Variants in LAMB4 observed in about 807,000 individuals in gnomAD.
LAMB4 encodes laminin subunit beta-4.
A neutral mutation model predicts 199.2 loss-of-function variants in LAMB4; 196 were observed. The ratio of observed to expected loss-of-function variants is 0.98; its 90% CI spans 0.88 to 1.11. The LOEUF (loss-of-function observed/expected upper bound fraction) is 1.11. LAMB4 is among the 50% of genes least tolerant of loss of function. The probability of loss-of-function intolerance (pLI) is 0.00; values close to 1 mark genes in which losing one functional copy is unlikely to be tolerated. For synonymous variants in LAMB4, 744 were observed against 770.6 expected (o/e 0.97, Z 0.57); for missense variants, 2,080 against 2,171.2 (o/e 0.96, Z 0.83).
intron 14 of LAMB4, among the ~76,000 whole-genome samples, chr7:108,085,838 C>T (rs756992633): frequency 1.7e-4 from 26 of 152,204 alleles, no homozygotes; most frequent in Non-Finnish European, 3.2e-4. Flanking sequence ...TGGTCTCGAT[C>T]TCCTGACCTC....
chr7:108,015,425 G>T, the LAMB4 span, among the ~76,000 whole-genome samples: 1 of 152,150 alleles, frequency 6.6e-6, no homozygotes, highest in Non-Finnish European at 1.5e-5. Context: ...TCGCAGTGAG[G>T]TGCTACCTTT....
rs186613515 is a variant in LAMB4 at position 108,066,178 on chromosome 7, A to G, written c.2678+191T>C. Among the ~76,000 whole-genome samples, 6 of 152,306 alleles carry G rather than the reference A, an allele frequency of 3.9e-5. No individual in the cohort carries two copies. The East Asian group carries it at 7.7e-4, about 20-fold the overall frequency. ...GTAACATGCCAGGCAAATGTGTGTTATTGATTTAATCCTGCATTTTCTGGC... is the reference window on the plus strand; with the variant it reads ...GTAACATGCCAGGCAAATGTGTGTTGTTGATTTAATCCTGCATTTTCTGGC... On this transcript the variant is annotated intron_variant, in intron 20 of 33. Transcript: ENST00000388781.
At chr7:108,078,595 T>C (rs775562472) in intron 15 of LAMB4, among the ~76,000 whole-genome samples, 1 of 152,098 alleles carries the variant, frequency 6.6e-6, no homozygotes, top group Non-Finnish European at 1.5e-5. Context: ...TCAACCCCCA[T>C]TTCCCAGGGA....
chr7:108,071,268 T>C (rs2036525622), intron 17 of LAMB4, among the ~76,000 whole-genome samples: 1 of 152,076 alleles, frequency 6.6e-6, no homozygotes, highest in Non-Finnish European at 1.5e-5. Context: ...TCATCTGCCA[T>C]TCACCCTTCA....
rs1362273875 is a variant in LAMB4, at chr7:108,107,661, G to C, written c.561C>G (p.Tyr187Ter). Residue 187 changes from tyrosine (Y) to a stop codon, truncating the protein, a stop_gained, in exon 6 of 34, where the codon TAC becomes TAG. Transcript: ENST00000388781. LOFTEE classifies it high-confidence loss of function. Reference protein sequence around the residue: ...GVGDIVCDSKYSDIEPSTGGE... With the variant: ...GVGDIVCDSK Reference sequence around the variant, plus strand: ...CACCTGTTGAGGGTTCAATATCCGAGTATTTGGAGTCACAAACAATGTCTC... The same window carrying C: ...CACCTGTTGAGGGTTCAATATCCGACTATTTGGAGTCACAAACAATGTCTC... 2 of 1,611,380 alleles carry C rather than the reference G, an allele frequency of 1.2e-6. No homozygotes were observed. The highest frequency in any genetic ancestry group is 2.2e-5 in the South Asian group (2 of 90,150).
chr7:108,038,773 A>C (rs1358492107), intron 29 of LAMB4, among the ~76,000 whole-genome samples: 1 of 151,968 alleles, frequency 6.6e-6, no homozygotes, highest in East Asian at 1.9e-4. Context: ...AAGATTGGAT[A>C]CTCCTGTGTT....
At chr7:108,065,992 T>C in intron 20 of LAMB4, 73 bp from the exon 21 acceptor site, 1 of 1,447,224 alleles carries the variant, frequency 6.9e-7, no homozygotes, top group Non-Finnish European at 9.6e-7. Context: ...CGGTTTGCTA[T>C]GCTTTAAAAC....
At chr7:108,066,056 C>T (rs1472943091) in intron 20 of LAMB4, 137 bp from the exon 21 acceptor site, 6 of 880,586 alleles carry the variant, frequency 6.8e-6, no homozygotes, top group South Asian at 3.7e-5. Flanking sequence ...CTCTGCAAAA[C>T]GACTTTTGGT....
intron 33 of LAMB4, 75 bp downstream of exon 33, chr7:108,028,968 G>C (rs1021701717): frequency 1.2e-5 from 16 of 1,350,614 alleles, no homozygotes; most frequent in African/African-American, 1.5e-5. Context: ...GCTGACATTG[G>C]TATAAATTCT....
intron 28 of LAMB4, among the ~76,000 whole-genome samples, chr7:108,045,696 T>G (rs1217612101): frequency 6.6e-6 from 1 of 152,216 alleles, no homozygotes; most frequent in East Asian, 1.9e-4. Context: ...TTTTAAGCAC[T>G]GGGACATAAG....
At position 108,063,002 on chromosome 7, in the gene LAMB4, G is replaced by A; in HGVS notation, c.3062-8C>T. ...AAGCATGGCAGGAGCATCCTGTGAT[G>A]ACAAAACCATCATCAGAGGTAAATT... On this transcript the variant is annotated splice_polypyrimidine_tract_variant and splice_region_variant and intron_variant, in intron 22 of 33. Coordinates refer to ENST00000388781, the MANE Select transcript of LAMB4 (RefSeq NM_007356.3). The A allele has an allele frequency of 6.5e-7, 1 of 1,536,178 alleles. No individual in the cohort carries two copies. Among genetic ancestry groups the A allele is most frequent in the Non-Finnish European group, 8.8e-7 (1 of 1,139,558 alleles).
At chr7:108,029,516 G>C (rs1218878681) in intron 32 of LAMB4, among the ~76,000 whole-genome samples, 1 of 152,198 alleles carries the variant, frequency 6.6e-6, no homozygotes, top group Non-Finnish European at 1.5e-5. Flanking sequence ...AGACAGAAAT[G>C]ACCCAATCCC....
intron 27 of LAMB4, 41 bp from the exon 28 acceptor site, chr7:108,048,152 T>C: frequency 4.0e-6 from 4 of 1,002,326 alleles, no homozygotes; most frequent in Admixed American, 2.4e-5. Flanking sequence ...CAACTTGTTG[T>C]CAGAGCTTTT....
chr7:108,089,134 T>G (rs1342151827), intron 14 of LAMB4, among the ~76,000 whole-genome samples: 3 of 152,148 alleles, frequency 2.0e-5, no homozygotes, highest in Non-Finnish European at 2.9e-5. Flanking sequence ...CTGTCTAGCC[T>G]GCTGCCAATG....
intron 29 of LAMB4, among the ~76,000 whole-genome samples, chr7:108,039,911 C>T (rs2035362380): frequency 6.6e-6 from 1 of 152,114 alleles, no homozygotes; most frequent in African/African-American, 2.4e-5. Context: ...GAAGTCCTGG[C>T]CAGAGCAATC....
chr7:108,062,630 TG>T (rs1479038068), intron 23 of LAMB4, 143 bp downstream of exon 23: 1 of 447,216 alleles, frequency 2.2e-6, no homozygotes, highest in Non-Finnish European at 3.8e-6. Context: ...TGATAGAGGC[TG>T]ACTCCATCCC....
In LAMB4 at chr7:108,104,997, G is replaced by T. The variant is rs549967153; in HGVS notation, c.871-378C>A. Among the ~76,000 whole-genome samples the T allele has an allele frequency of 2.0e-3, 303 of 152,102 alleles. 1 individual carries two copies. Among genetic ancestry groups the T allele is most frequent in the Non-Finnish European group, 3.4e-3 (232 of 67,992 alleles). The stretch of plus-strand genomic sequence containing the variant: ...AAGAGAAAATAGAGAGTTAGAAAAG[G>T]GAACGAAGCTGAAGAAAGCCATGTG... On this transcript the variant is annotated intron_variant, in intron 8 of 33. Coordinates refer to ENST00000388781, the MANE Select transcript of LAMB4 (RefSeq NM_007356.3).
chr7:108,020,396 G>C (rs967175018), downstream of LAMB4, among the ~76,000 whole-genome samples: 1 of 150,568 alleles, frequency 6.6e-6, no homozygotes, highest in African/African-American at 2.5e-5. Context: ...GTTTGAACCT[G>C]GGAAGCAGAG....
chr7:108,111,443 T>C (rs2038220070), intron 4 of LAMB4, among the ~76,000 whole-genome samples: 1 of 152,252 alleles, frequency 6.6e-6, no homozygotes, highest in African/African-American at 2.4e-5. Flanking sequence ...AGACTTCCCC[T>C]GGCATTATTC....
Sources: gnomAD v4.1 joint callset for allele counts (sites outside exome capture counted in the v4.1 genomes callset) on GRCh38, gnomAD v4.1.1 for gene constraint, MANE v1.5 for transcripts, NCBI Gene and HGNC (gene_info 2026-07-23, HGNC 2026-07-21) for gene names.